The following KCNJ12 variants were observed in gnomAD, a reference collection of about 807,000 sequenced individuals.
KCNJ12 encodes the protein potassium inwardly rectifying channel subfamily J member 12.
Under a neutral mutation model 22.3 loss-of-function variants are expected in KCNJ12, and 2 were observed. The observed-to-expected ratio is 0.09, with a 90% CI of 0.04 to 0.28. The LOEUF (loss-of-function observed/expected upper bound fraction) is 0.28. Among genes scored for constraint, KCNJ12 ranks in the 10% least tolerant of loss-of-function variants. KCNJ12 has a pLI of 1.00. For missense variants in KCNJ12, 155 were observed against 633.3 expected, an observed-to-expected ratio of 0.24 and a Z score of 8.11; for synonymous variants, 117 against 261.4, an observed-to-expected ratio of 0.45 and a Z score of 5.33.
chr17:21,407,712 C>A (rs1352641961), intron 1 of KCNJ12, among the ~76,000 whole-genome samples: 1 of 152,250 alleles, frequency 6.6e-6, no homozygotes, highest in Non-Finnish European at 1.5e-5. Flanking sequence ...TCTACTTTCA[C>A]ACTTATCCAT....
chr17:21,389,657 G>A (rs1905160742), intron 1 of KCNJ12, among the ~76,000 whole-genome samples: 1 of 152,152 alleles, frequency 6.6e-6, no homozygotes, highest in South Asian at 2.1e-4. Flanking sequence ...AGAGGGTGGG[G>A]GTGTGGTGGG....
At chr17:21,384,439 T>G (rs1555558415) in intron 1 of KCNJ12, among the ~76,000 whole-genome samples, 1 of 152,110 alleles carries the variant, frequency 6.6e-6, no homozygotes, top group Non-Finnish European at 1.5e-5. Flanking sequence ...GGTGCCTCCT[T>G]CGTCACATCC....
At chr17:21,403,104 A>T (rs537859144) in intron 1 of KCNJ12, among the ~76,000 whole-genome samples, 65 of 152,398 alleles carry the variant, frequency 4.3e-4, no homozygotes, top group African/African-American at 1.5e-3. Context: ...AAATCATGGA[A>T]GACTTCATGG....
rs1190842492 is a variant in KCNJ12, at chr17:21,419,028, A to G, written c.*2384A>G. 6.0e-6 allele frequency: 1 copy of G among 166,976 alleles called. No homozygotes were observed. The highest frequency in any genetic ancestry group is 2.4e-5 in the African/African-American group (1 of 41,404). The allele number at this position is 166,976 out of a possible 1,614,324, so 10.3% of individuals were successfully genotyped here. On this transcript the variant is annotated 3_prime_UTR_variant, in exon 3 of 3. Coordinates refer to ENST00000583088, the MANE Select transcript of KCNJ12 (RefSeq NM_021012.5). Reference sequence around the variant, plus strand: ...TCTCCCCAAAGGCGGCAGATGCTTGATTCTCCTGCCCTCTTTCTTCCTTCC... The same window carrying G: ...TCTCCCCAAAGGCGGCAGATGCTTGGTTCTCCTGCCCTCTTTCTTCCTTCC...
chr17:21,403,336 A>G (rs1905740549), intron 1 of KCNJ12, among the ~76,000 whole-genome samples: 1 of 152,312 alleles, frequency 6.6e-6, no homozygotes, highest in Non-Finnish European at 1.5e-5. Flanking sequence ...ATTTAAACAA[A>G]CACATTATTT....
chr17:21,390,771 A>G lies in KCNJ12; in HGVS notation c.-179+13858A>G, dbSNP rs147210935. 6.0e-3 allele frequency among the ~76,000 whole-genome samples: 908 copies of G among 152,222 alleles called. 6 individuals are homozygous for G. Among genetic ancestry groups the G allele is most frequent in the Non-Finnish European group, 9.9e-3 (673 of 68,012 alleles). On this transcript the variant is annotated intron_variant, in intron 1 of 2. Transcript: ENST00000583088. ...AATCTCCTTTGTGTGTCTCCTCCCA[A>G]TGTTTTTTTCTTGGAGGTGAAATAC...
chr17:21,407,971 C>G (rs1425398413), intron 1 of KCNJ12, among the ~76,000 whole-genome samples: 1 of 152,118 alleles, frequency 6.6e-6, no homozygotes, highest in Non-Finnish European at 1.5e-5. Flanking sequence ...TCCCTGCATT[C>G]ATTTATCCAC....
chr17:21,409,439 T>C (rs1216264396), intron 2 of KCNJ12, among the ~76,000 whole-genome samples: 49 of 152,370 alleles, frequency 3.2e-4, no homozygotes, highest in African/African-American at 1.1e-3. Flanking sequence ...AGTAGTTTCC[T>C]GGGAGGTGAT....
intron 1 of KCNJ12, among the ~76,000 whole-genome samples, chr17:21,383,554 A>G (rs985204743): frequency 6.6e-6 from 1 of 152,178 alleles, no homozygotes; most frequent in Non-Finnish European, 1.5e-5. Flanking sequence ...GGCTTCTGAC[A>G]GTCTTGGGTC....
chr17:21,382,127 T>G (rs1408527926), intron 1 of KCNJ12, among the ~76,000 whole-genome samples: 3 of 152,182 alleles, frequency 2.0e-5, no homozygotes, highest in Non-Finnish European at 4.4e-5. Flanking sequence ...GGGGCTTCCT[T>G]CAGGCCCCTA....
intron 1 of KCNJ12, among the ~76,000 whole-genome samples, chr17:21,378,880 G>A (rs1402819169): frequency 6.6e-5 from 10 of 152,104 alleles, no homozygotes; most frequent in Admixed American, 6.5e-4. Flanking sequence ...AGGCTGCCCC[G>A]GAGGGGACCC....
intron 1 of KCNJ12, among the ~76,000 whole-genome samples, chr17:21,394,724 C>G (rs1905295511): frequency 6.6e-6 from 1 of 152,140 alleles, no homozygotes; most frequent in East Asian, 1.9e-4. Context: ...GTGGTCAGGG[C>G]TGTGGCAGAG....
rs1365597256 is a variant in KCNJ12 at position 21,415,495 on chromosome 17, C to G, written c.153C>G (p.Gly51=). The part of the protein sequence containing the change: ...RCRNRFVKKN[G]QCNIEFANMD... ...GCAACCGCTTCGTCAAGAAGAATGG[C>G]CAGTGCAACATTGAGTTCGCCAACA... Residue 51 remains glycine, a synonymous_variant, in exon 3 of 3, where the codon GGC becomes GGG. Coordinates refer to ENST00000583088, the MANE Select transcript of KCNJ12 (RefSeq NM_021012.5). The G allele has an allele frequency of 1.9e-6, 3 of 1,614,126 alleles. No individual in the cohort carries two copies. Among genetic ancestry groups the G allele is most frequent in the Non-Finnish European group, 2.5e-6 (3 of 1,180,066 alleles).
At chr17:21,388,927 G>A (rs922237598) in intron 1 of KCNJ12, among the ~76,000 whole-genome samples, 1 of 152,138 alleles carries the variant, frequency 6.6e-6, no homozygotes, top group Non-Finnish European at 1.5e-5. Context: ...TTGCCACTGA[G>A]ATGTCTCTGG....
rs1433787434 is a variant in KCNJ12 at position 21,418,753 on chromosome 17, C to G, written c.*2109C>G. Reference sequence around the variant, plus strand: ...GCCTTCTCAGCCTTAGCCCTGGGTACTGGGGTGAAGTTGGCAGGGGAGAGC... The same window carrying G: ...GCCTTCTCAGCCTTAGCCCTGGGTAGTGGGGTGAAGTTGGCAGGGGAGAGC... On this transcript the variant is annotated 3_prime_UTR_variant, in exon 3 of 3. Coordinates refer to ENST00000583088, the MANE Select transcript of KCNJ12 (RefSeq NM_021012.5). 6.0e-6 allele frequency: 1 copy of G among 167,216 alleles called. No individual in the cohort carries two copies. The highest frequency in any genetic ancestry group is 2.4e-5 in the African/African-American group (1 of 41,466). The allele number at this position is 167,216 out of a possible 1,614,324, so 10.4% of individuals were successfully genotyped here.
At chr17:21,406,335 G>T (rs1434403689) in intron 1 of KCNJ12, among the ~76,000 whole-genome samples, 3 of 152,310 alleles carry the variant, frequency 2.0e-5, no homozygotes, top group Non-Finnish European at 4.4e-5. Context: ...AGTCCCTGCC[G>T]TGGAGGTCCC....
chr17:21,400,804 T>G (rs1905570842), intron 1 of KCNJ12, among the ~76,000 whole-genome samples: 1 of 152,310 alleles, frequency 6.6e-6, no homozygotes, highest in South Asian at 2.1e-4. Flanking sequence ...AAATAAGTGT[T>G]GCAGTACTTA....
intron 1 of KCNJ12, among the ~76,000 whole-genome samples, chr17:21,402,440 G>T (rs5005947): frequency 2.4e-3 from 371 of 151,810 alleles, no homozygotes; most frequent in African/African-American, 8.6e-3. Flanking sequence ...GCCGCTGAGC[G>T]TGTGAGTCAA....
intron 1 of KCNJ12, among the ~76,000 whole-genome samples, chr17:21,389,441 C>T (rs569290454): frequency 7.9e-5 from 12 of 152,260 alleles, no homozygotes; most frequent in Non-Finnish European, 1.3e-4. Flanking sequence ...TCCCGGAGCC[C>T]TGGCCCCCTG....
Sources: allele counts gnomAD v4.1 joint callset (sites outside exome capture counted in the v4.1 genomes callset), GRCh38; gene constraint gnomAD v4.1.1; transcripts MANE v1.5; gene names NCBI Gene and HGNC (gene_info 2026-07-23, HGNC 2026-07-21).